Variants in HS3ST4 observed in about 807,000 individuals in gnomAD.
HS3ST4 encodes heparan sulfate glucosamine 3-O-sulfotransferase 4.
HS3ST4 carries 17 observed loss-of-function variants against 29.2 expected under a neutral mutation model. The observed-to-expected ratio is 0.58, with a 90% CI of 0.40 to 0.87. The LOEUF (loss-of-function observed/expected upper bound fraction) is 0.87, where lower values mean the gene tolerates loss of function less well. Ranked by LOEUF, HS3ST4 falls within the 40% of genes least tolerant of loss-of-function variation. The pLI, the probability that HS3ST4 is intolerant of heterozygous loss-of-function variation, is 0.00. For synonymous variants in HS3ST4, 314 were observed against 285.7 expected (o/e 1.10, Z -1.00); for missense variants, 627 against 634.5 (o/e 0.99, Z 0.13).
chr16:25,783,180 A>C (rs1405180091), intron 1 of HS3ST4, among the ~76,000 whole-genome samples: 2 of 152,136 alleles, frequency 1.3e-5, no homozygotes, highest in Non-Finnish European at 2.9e-5. Context: ...TTGTCAGTGA[A>C]AGCAGTCTAT....
intron 1 of HS3ST4, among the ~76,000 whole-genome samples, chr16:25,923,074 A>G (rs1403426443): frequency 6.6e-6 from 1 of 152,192 alleles, no homozygotes; most frequent in East Asian, 1.9e-4. Flanking sequence ...TTCCTCTACT[A>G]CATAAAGTTT....
intron 1 of HS3ST4, among the ~76,000 whole-genome samples, chr16:25,887,137 A>T (rs1045098559): frequency 6.6e-6 from 1 of 152,028 alleles, no homozygotes; most frequent in East Asian, 1.9e-4. Context: ...GGGGTGGGGG[A>T]GAAAAGGCTG....
chr16:25,983,616 C>T (rs1969031387), intron 1 of HS3ST4, among the ~76,000 whole-genome samples: 1 of 152,220 alleles, frequency 6.6e-6, no homozygotes, highest in Non-Finnish European at 1.5e-5. Context: ...ATGCTTGAGT[C>T]CCTGGAGGCC....
intron 1 of HS3ST4, among the ~76,000 whole-genome samples, chr16:25,857,662 A>G (rs944953899): frequency 3.3e-5 from 5 of 152,142 alleles, no homozygotes; most frequent in African/African-American, 7.2e-5. Flanking sequence ...TGACAGGACT[A>G]TCTGTCAAAT....
chr16:26,131,684 C>T (rs1899422061), intron 1 of HS3ST4, among the ~76,000 whole-genome samples: 1 of 152,174 alleles, frequency 6.6e-6, no homozygotes, highest in Non-Finnish European at 1.5e-5. Context: ...TCTAATCTTA[C>T]AGGAAGAGGG....
intron 1 of HS3ST4, among the ~76,000 whole-genome samples, chr16:25,875,856 C>A (rs943080141): frequency 1.3e-5 from 2 of 152,106 alleles, no homozygotes; most frequent in African/African-American, 4.8e-5. Context: ...GGCAATAATT[C>A]TTGCCCCTGA....
chr16:25,910,474 C>T (rs966591654), intron 1 of HS3ST4, among the ~76,000 whole-genome samples: 20 of 151,978 alleles, frequency 1.3e-4, no homozygotes, highest in African/African-American at 4.6e-4. Flanking sequence ...AACCCTGTCT[C>T]TACTAAAAAT....
At chr16:25,842,103 G>A (rs1317962161) in intron 1 of HS3ST4, among the ~76,000 whole-genome samples, 5 of 152,146 alleles carry the variant, frequency 3.3e-5, no homozygotes, top group East Asian at 3.9e-4. Context: ...ACTTTTTATC[G>A]TATGGCAAGT....
chr16:25,879,371 A>G (rs1272901187), intron 1 of HS3ST4, among the ~76,000 whole-genome samples: 1 of 152,152 alleles, frequency 6.6e-6, no homozygotes, highest in African/African-American at 2.4e-5. Context: ...TGGGCAATTT[A>G]CAAAAGAAAG....
Position 25,970,599 on chromosome 16 carries a change from C to T in HS3ST4, c.735-165013C>T, listed in dbSNP as rs181713013. Among the ~76,000 whole-genome samples, 42 of 152,028 alleles carry T rather than the reference C, an allele frequency of 2.8e-4. No individual in the cohort carries two copies. The East Asian group carries it at 6.6e-3, about 24-fold the overall frequency. On this transcript the variant is annotated intron_variant, in intron 1 of 1. Transcript: ENST00000331351. ...ATTATAACTCACTGTAGCCTCAACC[C>T]CCTGGACTCAGGCAATCCCCTTGTC...
At chr16:26,027,276 A>C (rs996657773) in intron 1 of HS3ST4, among the ~76,000 whole-genome samples, 1 of 152,170 alleles carries the variant, frequency 6.6e-6, no homozygotes, top group Non-Finnish European at 1.5e-5. Flanking sequence ...CCATCAGGAA[A>C]CTACAGACAG....
intron 1 of HS3ST4, among the ~76,000 whole-genome samples, chr16:26,028,132 G>A (rs1253481556): frequency 2.6e-5 from 4 of 151,860 alleles, no homozygotes; most frequent in Admixed American, 2.0e-4. Context: ...AATTAGCTGG[G>A]TGTAGTAGCA....
At chr16:26,043,373 G>C (rs1969652381) in intron 1 of HS3ST4, among the ~76,000 whole-genome samples, 1 of 152,154 alleles carries the variant, frequency 6.6e-6, no homozygotes, top group African/African-American at 2.4e-5. Context: ...CTCCTCTCTG[G>C]TAGAGTTATT....
chr16:25,805,007 A>C lies in HS3ST4; in HGVS notation c.734+111856A>C, dbSNP rs182284920. Among the ~76,000 whole-genome samples, 756 of 152,274 alleles carry C rather than the reference A, an allele frequency of 5.0e-3. 2 individuals are homozygous for C. The highest frequency in any genetic ancestry group is 8.3e-3 in the Non-Finnish European group (568 of 68,032). ...GGTACCCCAACCTCAGGTGGGGTAC[A>C]CAGGGGCTTGGGACCAAAGCAGTTC... On this transcript the variant is annotated intron_variant, in intron 1 of 1. Transcript: ENST00000331351.
At position 26,039,938 on chromosome 16, in the gene HS3ST4, C is replaced by G. The variant is rs751700049; in HGVS notation, c.735-95674C>G. Among the ~76,000 whole-genome samples, 16 of 152,260 alleles carry G rather than the reference C, an allele frequency of 1.1e-4. No homozygotes were observed. The Middle Eastern group carries it at 0.01, about 97-fold the overall frequency. On this transcript the variant is annotated intron_variant, in intron 1 of 1. Transcript: ENST00000331351. The stretch of plus-strand genomic sequence containing the variant: ...ATGGTTTTCATTATTGCAACAATGC[C>G]TCAGTGAATGTTCTTATACCAGTCT...
At chr16:26,051,912 C>CCCTTCCTT (rs1340165050) in intron 1 of HS3ST4, among the ~76,000 whole-genome samples, 3 of 108,118 alleles carry the variant, frequency 2.8e-5, no homozygotes, top group African/African-American at 9.8e-5. Context: ...CTCCCTCCCT[C>CCCTTCCTT]CCTTCCTTCC....
In HS3ST4 at chr16:25,974,659, A is replaced by G. The variant is rs141601791; in HGVS notation, c.735-160953A>G. ...AATGTATCCTCCAAGGGTAGGAAAT[A>G]ACAGGAGTTATCTGTGAGACCAAGC... On this transcript the variant is annotated intron_variant, in intron 1 of 1. Coordinates refer to ENST00000331351, the MANE Select transcript of HS3ST4 (RefSeq NM_006040.3). Among the ~76,000 whole-genome samples the G allele has an allele frequency of 1.7e-3, 252 of 152,344 alleles. 3 individuals are homozygous for G. Among genetic ancestry groups the G allele is most frequent in the African/African-American group, 5.8e-3 (242 of 41,576 alleles).
Position 25,913,693 on chromosome 16 carries a change from A to G in HS3ST4, c.734+220542A>G, listed in dbSNP as rs117716305. Among the ~76,000 whole-genome samples, 874 of 152,264 alleles carry G rather than the reference A, an allele frequency of 5.7e-3. 4 individuals are homozygous for G. The highest frequency in any genetic ancestry group is 9.3e-3 in the Non-Finnish European group (630 of 68,002). On this transcript the variant is annotated intron_variant, in intron 1 of 1. Coordinates refer to ENST00000331351, the MANE Select transcript of HS3ST4 (RefSeq NM_006040.3). ...TAGGTTGAGAGAAAATGGAATGCAA[A>G]GGCAGAGAGCATGTGTGTGTGTAGT... is the stretch of plus-strand genomic sequence containing the variant.
At chr16:25,765,924 G>A (rs942371050) in intron 1 of HS3ST4, among the ~76,000 whole-genome samples, 16 of 152,132 alleles carry the variant, frequency 1.1e-4, no homozygotes, top group African/African-American at 3.6e-4. Context: ...TCAAGGGAGA[G>A]GGCTTGGCTC....
Sources: gnomAD v4.1 joint callset for allele counts (sites outside exome capture counted in the v4.1 genomes callset) on GRCh38, gnomAD v4.1.1 for gene constraint, MANE v1.5 for transcripts, NCBI Gene and HGNC (gene_info 2026-07-23, HGNC 2026-07-21) for gene names.